The following RAPGEF4 variants were observed in gnomAD, a reference collection of about 807,000 sequenced individuals.
RAPGEF4 encodes the protein RAP guanine-nucleotide-exchange factor (GEF) 4.
Under a neutral mutation model 147.9 loss-of-function variants are expected in RAPGEF4, and 66 were observed. That is an observed-to-expected ratio of 0.45 (90% CI 0.37 to 0.55). The LOEUF is 0.55. RAPGEF4 is among the 20% of genes least tolerant of loss of function. The probability of loss-of-function intolerance (pLI) is 0.00; values close to 1 mark genes in which losing one functional copy is unlikely to be tolerated. For synonymous variants in RAPGEF4, 419 were observed against 442.7 expected, an observed-to-expected ratio of 0.95 and a Z score of 0.67; for missense variants, 1,071 against 1,257.3, an observed-to-expected ratio of 0.85 and a Z score of 2.24.
chr2:172,735,839 G>C, upstream of RAPGEF4: 1 of 544,544 alleles, frequency 1.8e-6, no homozygotes, highest in Non-Finnish European at 2.6e-6. Flanking sequence ...AGCCCGCGGG[G>C]AGGGCGGGCC....
chr2:172,910,631 T>G (rs2150002909), intron 4 of RAPGEF4, among the ~76,000 whole-genome samples: 1 of 152,316 alleles, frequency 6.6e-6, no homozygotes, highest in Non-Finnish European at 1.5e-5. Flanking sequence ...TCTGAGCACC[T>G]GGGGGCTGGA....
rs200818612 is a variant in RAPGEF4, at chr2:172,771,413, G to GTT, written c.66-23602_66-23601dup. Among the ~76,000 whole-genome samples the GTT allele has an allele frequency of 4.6e-4, 67 of 146,118 alleles. No individual in the cohort carries two copies. In the East Asian group the frequency reaches 5.5e-3, roughly 12 times the overall value. Reference sequence around the variant, plus strand: ...CAAACACTTGGACCAAAGCAGTACTGTTTTTTTTTTTAAATAAAGCGAGTT... The same window carrying GTT: ...CAAACACTTGGACCAAAGCAGTACTGTTTTTTTTTTTTTAAATAAAGCGAGTT... On this transcript the variant is annotated intron_variant, in intron 1 of 30. Transcript: ENST00000397081.
intron 4 of RAPGEF4, among the ~76,000 whole-genome samples, chr2:172,854,602 AC>A (rs1693213500): frequency 6.6e-6 from 1 of 151,876 alleles, no homozygotes; most frequent in Non-Finnish European, 1.5e-5. Flanking sequence ...ATTTAGGTTT[AC>A]CATTTTGCTA....
At chr2:172,819,461 C>CTTTTTTTTTTTTTTTTTTTTTTT in intron 4 of RAPGEF4, among the ~76,000 whole-genome samples, 1 of 87,014 alleles carries the variant, frequency 1.1e-5, no homozygotes, top group Non-Finnish European at 2.1e-5. Context: ...ATTTTTAGTT[C>CTTTTTTTTTTTTTTTTTTTTTTT]TTTTTTTTTT....
intron 4 of RAPGEF4, among the ~76,000 whole-genome samples, chr2:172,856,546 T>G (rs1042169106): frequency 6.6e-6 from 1 of 152,220 alleles, no homozygotes; most frequent in Non-Finnish European, 1.5e-5. Context: ...TACTGTCATA[T>G]GCCTTTAAAG....
chr2:172,963,816 C>T (rs13032969), intron 8 of RAPGEF4, among the ~76,000 whole-genome samples: 32,770 of 152,110 alleles, frequency 0.22, 4,520 homozygotes, highest in Middle Eastern at 0.33. Flanking sequence ...GCTGAAGCCT[C>T]TCCTGGTGCA....
At chr2:172,748,178 T>C (rs1367034599) in intron 1 of RAPGEF4, among the ~76,000 whole-genome samples, 8 of 152,222 alleles carry the variant, frequency 5.3e-5, no homozygotes, top group Admixed American at 5.2e-4. Flanking sequence ...TCATTTCCTT[T>C]GAATATGTAC....
chr2:172,760,411 A>G (rs1696194042), intron 1 of RAPGEF4, among the ~76,000 whole-genome samples: 1 of 152,272 alleles, frequency 6.6e-6, no homozygotes, highest in South Asian at 2.1e-4. Context: ...GAAAAATACA[A>G]CAACTGAAAT....
chr2:172,934,734 TG>T (rs1686366221), intron 6 of RAPGEF4, among the ~76,000 whole-genome samples: 1 of 100,518 alleles, frequency 9.9e-6, no homozygotes, highest in Non-Finnish European at 2.3e-5. Flanking sequence ...TCATCTGTTA[TG>T]GTTGCAGTAA....
intron 29 of RAPGEF4, among the ~76,000 whole-genome samples, chr2:173,040,712 G>C (rs1488626479): frequency 6.6e-6 from 1 of 152,190 alleles, no homozygotes; most frequent in Non-Finnish European, 1.5e-5. Context: ...ATAAGGATTA[G>C]AGAATTTGTT....
At chr2:172,783,203 A>T (rs1197970012) in intron 1 of RAPGEF4, among the ~76,000 whole-genome samples, 1 of 152,138 alleles carries the variant, frequency 6.6e-6, no homozygotes, top group East Asian at 1.9e-4. Context: ...GTGGCATCTT[A>T]TTCATCCATC....
chr2:172,792,981 C>A (rs1190635999), intron 1 of RAPGEF4, among the ~76,000 whole-genome samples: 29 of 152,202 alleles, frequency 1.9e-4, no homozygotes, highest in Admixed American at 1.9e-3. Context: ...AAACAACAAA[C>A]ACTTTTTTCT....
intron 6 of RAPGEF4, among the ~76,000 whole-genome samples, chr2:172,927,442 GA>G (rs1174100568): frequency 6.6e-6 from 1 of 152,062 alleles, no homozygotes; most frequent in Non-Finnish European, 1.5e-5. Flanking sequence ...GCCAGATAAA[GA>G]AATAAGAAAT....
chr2:172,930,705 T>C (rs569398606), intron 6 of RAPGEF4, among the ~76,000 whole-genome samples: 223 of 152,306 alleles, frequency 1.5e-3, no homozygotes, highest in Non-Finnish European at 2.1e-3. Flanking sequence ...GATTCCATAT[T>C]CAAGGCATTA....
intron 4 of RAPGEF4, among the ~76,000 whole-genome samples, chr2:172,876,652 A>G (rs537231542): frequency 1.0e-3 from 153 of 152,252 alleles, no homozygotes; most frequent in African/African-American, 3.5e-3. Flanking sequence ...TCGGTTTGCC[A>G]GTATTTTATT....
At chr2:172,902,809 A>G (rs1276872532) in intron 4 of RAPGEF4, among the ~76,000 whole-genome samples, 1 of 152,204 alleles carries the variant, frequency 6.6e-6, no homozygotes, top group African/African-American at 2.4e-5. Context: ...GATGACAGAA[A>G]GTAGGATCCA....
At chr2:172,861,808 T>C (rs1436980457) in intron 4 of RAPGEF4, among the ~76,000 whole-genome samples, 2 of 152,172 alleles carry the variant, frequency 1.3e-5, no homozygotes, top group African/African-American at 4.8e-5. Context: ...TAGTTGAGTT[T>C]TGGAGGTAAT....
At chr2:172,916,698 G>A (rs1324239311) in intron 4 of RAPGEF4, among the ~76,000 whole-genome samples, 2 of 152,208 alleles carry the variant, frequency 1.3e-5, no homozygotes, top group African/African-American at 4.8e-5. Context: ...TAAAAAGCTA[G>A]TTACATCTTG....
chr2:172,831,403 G>C (rs1004003725), intron 4 of RAPGEF4, among the ~76,000 whole-genome samples: 3 of 150,738 alleles, frequency 2.0e-5, no homozygotes, highest in Non-Finnish European at 4.4e-5. Flanking sequence ...TGAGTAGCTG[G>C]GATTACAGGT....
Sources: gnomAD v4.1 joint callset for allele counts (sites outside exome capture counted in the v4.1 genomes callset) on GRCh38, gnomAD v4.1.1 for gene constraint, MANE v1.5 for transcripts, NCBI Gene and HGNC (gene_info 2026-07-23, HGNC 2026-07-21) for gene names.